The following ADSS1 variants were observed in gnomAD, a reference collection of about 807,000 sequenced individuals.
ADSS1 encodes the protein adenylosuccinate synthase 1.
ADSS1 carries 57 observed loss-of-function variants against 59.1 expected under a neutral mutation model. The observed-to-expected ratio is 0.97, with a 90% confidence interval of 0.78 to 1.20. The LOEUF is 1.20. ADSS1 is among the 50% of genes most tolerant of loss of function. ADSS1 has a pLI of 0.00. For missense variants in ADSS1, 603 were observed against 610.3 expected, an observed-to-expected ratio of 0.99 and a Z score of 0.13; for synonymous variants, 247 against 249.4, an observed-to-expected ratio of 0.99 and a Z score of 0.09.
At chr14:104,726,493 T>G (rs568849204) in intron 1 of ADSS1, among the ~76,000 whole-genome samples, 1 of 152,218 alleles carries the variant, frequency 6.6e-6, no homozygotes, top group South Asian at 2.1e-4. Flanking sequence ...TGCCCATCTC[T>G]CCTCCTAGCG....
At chr14:104,743,824 G>C (rs74953517) in intron 10 of ADSS1, among the ~76,000 whole-genome samples, 3,079 of 152,382 alleles carry the variant, frequency 0.02, 119 homozygotes, top group African/African-American at 0.071. Context: ...CCGAGTAGCT[G>C]AGGGTGTGGC....
chr14:104,729,837 C>T, intron 1 of ADSS1: 1 of 682,700 alleles, frequency 1.5e-6, no homozygotes, highest in Middle Eastern at 4.3e-4. Flanking sequence ...AGCGTGGCGT[C>T]GGCGTCGTGG....
chr14:104,741,525 C>T (rs1595210580), intron 8 of ADSS1, among the ~76,000 whole-genome samples: 5 of 152,148 alleles, frequency 3.3e-5, no homozygotes, highest in South Asian at 2.1e-4. Context: ...CCAGCCCTTC[C>T]GATGGTCTGT....
intron 1 of ADSS1, 48 bp from the exon 2 acceptor site, chr14:104,734,972 G>A (rs1891062608): frequency 6.5e-7 from 1 of 1,543,016 alleles, no homozygotes; most frequent in East Asian, 2.3e-5. Context: ...ATGTCCGGGG[G>A]GTCCTCAGTA....
At chr14:104,728,532 C>T (rs1890785045) in intron 1 of ADSS1, among the ~76,000 whole-genome samples, 1 of 152,130 alleles carries the variant, frequency 6.6e-6, no homozygotes, top group African/African-American at 2.4e-5. Context: ...AAGCAGAGCC[C>T]AGAAGGGAGT....
At position 104,740,612 on chromosome 14, in the gene ADSS1, C is replaced by G. The variant is rs886708006; in HGVS notation, c.488C>G (p.Thr163Ser). 6.2e-7 allele frequency: 1 copy of G among 1,613,866 alleles called. No individual in the cohort carries two copies. The highest frequency in any genetic ancestry group is 8.5e-7 in the Non-Finnish European group (1 of 1,180,008). The change falls in exon 6 of 13, where the codon ACC becomes AGC. Residue 163 changes from threonine to serine, a missense_variant. By Grantham distance (58) the Thr-to-Ser change is moderately conservative. Transcript: ENST00000330877. The surrounding 1 kb of genome is among the most constrained non-coding windows in gnomAD (Gnocchi z 4.8). ...TCCCCATCTTTCAGTATAGGCACCA[C>G]CAAGAAGGGAATCGGACCAACCTAC... ...QAQEGKNIGT[T>S]KKGIGPTYSS...
At chr14:104,725,634 G>A (rs753127858) in intron 1 of ADSS1, among the ~76,000 whole-genome samples, 42 of 152,116 alleles carry the variant, frequency 2.8e-4, no homozygotes, top group Non-Finnish European at 5.6e-4. Context: ...CACATCCCTC[G>A]CTCCAGAGAT....
chr14:104,726,552 G>A (rs1890722731), intron 1 of ADSS1, among the ~76,000 whole-genome samples: 1 of 152,180 alleles, frequency 6.6e-6, no homozygotes, highest in African/African-American at 2.4e-5. Flanking sequence ...CCCTGTTCTT[G>A]TGCACACCAT....
rs545989490 is a variant in ADSS1, at chr14:104,743,337, G to A, written c.1073+146G>A. On this transcript the variant is annotated intron_variant, in intron 10 of 12. Transcript: ENST00000330877. ...TGATCTCGACCCTTCCACAAAGCAC[G>A]GCCCAGAGGTTAGCGGTATGGAGGC... is the stretch of plus-strand genomic sequence containing the variant. The A allele has an allele frequency of 2.9e-5, 36 of 1,240,702 alleles. 1 individual carries two copies. In the African/African-American group the frequency reaches 3.7e-4, roughly 13 times the overall value. The allele number at this position is 1,240,702 out of a possible 1,614,324, so 76.9% of individuals were successfully genotyped here.
intron 1 of ADSS1, among the ~76,000 whole-genome samples, chr14:104,733,820 C>T (rs1029591677): frequency 3.3e-5 from 5 of 152,090 alleles, no homozygotes; most frequent in African/African-American, 1.2e-4. Context: ...CCGTGTGTGG[C>T]CCCCCGCAAC....
intron 2 of ADSS1, 75 bp downstream of exon 2, chr14:104,735,197 G>T (rs1366767850): frequency 4.5e-6 from 6 of 1,344,658 alleles, no homozygotes; most frequent in East Asian, 2.6e-5. Flanking sequence ...ACGCATGGGG[G>T]CACGGGGCAC....
At position 104,735,135 on chromosome 14, in the gene ADSS1, C is replaced by T; in HGVS notation, c.295+13C>T. ...GTGTCCTTCATTGGTGAGTGCCCTG[C>T]CCCGACCTGTGTGTGAGCAGGAAAG... is the stretch of plus-strand genomic sequence containing the variant. On this transcript the variant is annotated intron_variant, in intron 2 of 12. Coordinates refer to ENST00000330877, the MANE Select transcript of ADSS1 (RefSeq NM_152328.5). 4 of 1,593,002 alleles carry T rather than the reference C, an allele frequency of 2.5e-6. No individual in the cohort carries two copies. The highest frequency in any genetic ancestry group is 2.6e-6 in the Non-Finnish European group (3 of 1,166,492).
chr14:104,746,743 G>C lies in ADSS1; in HGVS notation c.1322-208G>C, dbSNP rs574044669. Among the ~76,000 whole-genome samples the C allele has an allele frequency of 2.6e-5, 4 of 152,356 alleles. No homozygotes were observed. In the East Asian group the frequency reaches 7.7e-4, roughly 29 times the overall value. ...TAACGTTGCCATTTCCAAGGAAGAA[G>C]GGAGGAGACTCCTGTTTTCCGCTGC... On this transcript the variant is annotated intron_variant, in intron 12 of 12. Coordinates refer to ENST00000330877, the MANE Select transcript of ADSS1 (RefSeq NM_152328.5).
rs961209374 is a variant in ADSS1, at chr14:104,739,459, G to A, written c.409+81G>A. On this transcript the variant is annotated intron_variant, in intron 4 of 12. Coordinates refer to ENST00000330877, the MANE Select transcript of ADSS1 (RefSeq NM_152328.5). ...CCGGCCCTGCTCCTACATGGCCACC[G>A]AGATCAGGGAAGTCCCCAAGGCCTT... is the stretch of plus-strand genomic sequence containing the variant. 33 of 1,475,834 alleles carry A rather than the reference G, an allele frequency of 2.2e-5. No individual in the cohort carries two copies. In the Admixed American group the frequency reaches 2.5e-4, roughly 11 times the overall value. 91.4% of individuals were successfully genotyped at this position (1,475,834 alleles called of 1,614,324 possible). A position where few individuals can be genotyped will look rare whatever the true frequency, so the allele number is the denominator to read the frequency against.
intron 11 of ADSS1, 114 bp downstream of exon 11, chr14:104,745,023 C>A (rs1891505657): frequency 2.2e-6 from 2 of 889,740 alleles, no homozygotes; most frequent in East Asian, 5.4e-5. Flanking sequence ...GGACACAGGG[C>A]AAGCAGCTTG....
At chr14:104,743,301 A>G in intron 10 of ADSS1, 110 bp downstream of exon 10, 1 of 1,498,158 alleles carries the variant, frequency 6.7e-7, no homozygotes, top group Non-Finnish European at 9.1e-7. Context: ...CTCCTTGGAC[A>G]AGGTTTCCAC....
In ADSS1 at chr14:104,740,722, C is replaced by G; in HGVS notation, c.584+14C>G. The stretch of plus-strand genomic sequence containing the variant: ...GTTTTCCTCCAGGTACCTGAGCCGT[C>G]TGCAGTCCCCGGGGAGGATGGGGAG... On this transcript the variant is annotated intron_variant, in intron 6 of 12. Coordinates refer to ENST00000330877, the MANE Select transcript of ADSS1 (RefSeq NM_152328.5). This position sits in a 1 kb window ranked among gnomAD's most constrained non-coding sequence, Gnocchi z 4.8. The G allele has an allele frequency of 6.2e-7, 1 of 1,613,836 alleles. No individual in the cohort carries two copies. The highest frequency in any genetic ancestry group is 8.5e-7 in the Non-Finnish European group (1 of 1,179,852).
At chr14:104,735,260 GC>G in intron 2 of ADSS1, 138 bp downstream of exon 2, 1 of 737,210 alleles carries the variant, frequency 1.4e-6, no homozygotes, top group Non-Finnish European at 2.2e-6. Flanking sequence ...GCCTCCACCT[GC>G]CCCACCAGGC....
intron 1 of ADSS1, among the ~76,000 whole-genome samples, chr14:104,733,052 C>T (rs918102301): frequency 3.3e-5 from 5 of 152,268 alleles, no homozygotes; most frequent in East Asian, 1.9e-4. Context: ...CCTGCCCATC[C>T]GCCCAGGCTG....
Sources: allele counts gnomAD v4.1 joint callset (sites outside exome capture counted in the v4.1 genomes callset), GRCh38; gene constraint gnomAD v4.1.1; non-coding constraint Gnocchi (gnomAD v3.1); transcripts MANE v1.5; gene names NCBI Gene and HGNC (gene_info 2026-07-23, HGNC 2026-07-21).